ALDH1L2: variants seen among roughly 807,000 people sequenced by gnomAD.
ALDH1L2 encodes aldehyde dehydrogenase 1 family member L2, also known as mitochondrial 10-formyltetrahydrofolate dehydrogenase.
ALDH1L2 carries 91 observed loss-of-function variants against 111.0 expected under a neutral mutation model. The observed-to-expected ratio is 0.82, with a 90% CI of 0.69 to 0.98. The LOEUF (loss-of-function observed/expected upper bound fraction) is 0.98. Ranked by LOEUF, ALDH1L2 falls within the 50% of genes least tolerant of loss-of-function variation. The probability of loss-of-function intolerance (pLI) is 0.00; values close to 1 mark genes in which losing one functional copy is unlikely to be tolerated. For missense variants in ALDH1L2, 995 were observed against 1,126.8 expected (o/e 0.88, Z 1.67); for synonymous variants, 374 against 392.6 (o/e 0.95, Z 0.56).
chr12:105,053,199 T>A (rs1876404556), intron 10 of ALDH1L2, among the ~76,000 whole-genome samples: 2 of 152,192 alleles, frequency 1.3e-5, no homozygotes, highest in Admixed American at 1.3e-4. Context: ...AGATAAAAGG[T>A]AACTCACAAG....
At chr12:105,066,955 G>A (rs562325470) in intron 4 of ALDH1L2, among the ~76,000 whole-genome samples, 12 of 152,198 alleles carry the variant, frequency 7.9e-5, no homozygotes, top group African/African-American at 1.2e-4. Context: ...AAGGCCGGGC[G>A]CAGTGGCTCA....
At chr12:105,075,729 A>G (rs1290161744) in intron 1 of ALDH1L2, among the ~76,000 whole-genome samples, 2 of 152,222 alleles carry the variant, frequency 1.3e-5, no homozygotes, top group Non-Finnish European at 2.9e-5. Context: ...TCATGACTAT[A>G]AATATGTTTA....
Position 105,024,308 on chromosome 12 carries a change from C to T in ALDH1L2, c.*116G>A. 1 of 1,123,976 alleles carries T rather than the reference C, an allele frequency of 8.9e-7. No homozygotes were observed. The highest frequency in any genetic ancestry group is 1.3e-6 in the Non-Finnish European group (1 of 747,210). The allele number at this position is 1,123,976 out of a possible 1,614,324, so 69.6% of individuals were successfully genotyped here. The stretch of plus-strand genomic sequence containing the variant: ...TGGCCTGGCCCTCTTCATGGTCCAT[C>T]TGTGTATTTTTTGGTTTGTGGCTGA... On this transcript the variant is annotated 3_prime_UTR_variant, in exon 23 of 23. Transcript: ENST00000258494.
At chr12:105,060,953 T>C in intron 9 of ALDH1L2, 28 bp downstream of exon 9, 1 of 1,588,780 alleles carries the variant, frequency 6.3e-7, no homozygotes, top group Admixed American at 1.7e-5. Flanking sequence ...AGGGAATCCC[T>C]AGTGAGTCAA....
chr12:105,032,976 A>G (rs1007600512), intron 19 of ALDH1L2, among the ~76,000 whole-genome samples: 2 of 152,224 alleles, frequency 1.3e-5, no homozygotes, highest in African/African-American at 4.8e-5. Flanking sequence ...ATGTATTTGT[A>G]ATTATCTCTT....
At chr12:105,066,477 A>T in intron 5 of ALDH1L2, 91 bp downstream of exon 5, 1 of 1,245,340 alleles carries the variant, frequency 8.0e-7, no homozygotes, top group South Asian at 1.3e-5. Flanking sequence ...AAGCTGGCTT[A>T]CCTTTTGGCA....
chr12:105,062,742 C>A lies in ALDH1L2; in HGVS notation c.921+146G>T, dbSNP rs538843504. 3.5e-4 allele frequency: 333 copies of A among 963,878 alleles called. 1 individual carries two copies. The highest frequency in any genetic ancestry group is 2.4e-4 in the East Asian group (9 of 36,772). 59.7% of individuals were successfully genotyped at this position (963,878 alleles called of 1,614,324 possible). ...GGCAGCCTATGCAGATCTGTGGGGCCCATCTTGAGACACCTCATCTCCATC... is the reference window on the plus strand; with the variant it reads ...GGCAGCCTATGCAGATCTGTGGGGCACATCTTGAGACACCTCATCTCCATC... On this transcript the variant is annotated intron_variant, in intron 7 of 22. Transcript: ENST00000258494.
rs1007087346 is a variant in ALDH1L2 at position 105,021,233 on chromosome 12, T to G, written c.*3191A>C. 1 of 152,264 alleles carries G rather than the reference T, an allele frequency of 6.6e-6. No homozygotes were observed. The highest frequency in any genetic ancestry group is 1.5e-5 in the Non-Finnish European group (1 of 68,104). 9.4% of individuals were successfully genotyped at this position (152,264 alleles called of 1,614,324 possible). A position where few individuals can be genotyped will look rare whatever the true frequency, so the allele number is the denominator to read the frequency against. On this transcript the variant is annotated 3_prime_UTR_variant, in exon 23 of 23. Transcript: ENST00000258494. ...ACGAGTGAAGTGACACTGTCTGACT[T>G]AAGCTTTGAACAGGACCGCAGAAGA...
At chr12:105,066,544 G>A (rs765040310) in intron 5 of ALDH1L2, 24 bp downstream of exon 5, 1 of 1,595,672 alleles carries the variant, frequency 6.3e-7, no homozygotes, top group Non-Finnish European at 8.6e-7. Context: ...TCTGAGACGT[G>A]TTATTGAGTT....
At chr12:105,082,540 T>C (rs1878378800) in intron 1 of ALDH1L2, among the ~76,000 whole-genome samples, 1 of 152,188 alleles carries the variant, frequency 6.6e-6, no homozygotes. Context: ...CATTCCTTTT[T>C]CCCCCAACTG....
chr12:105,036,216 A>G (rs1224010325), intron 18 of ALDH1L2, among the ~76,000 whole-genome samples: 10 of 52,964 alleles, frequency 1.9e-4, no homozygotes, highest in Admixed American at 7.7e-4. Context: ...ATATTTATAT[A>G]TGTGTATATA....
chr12:105,075,614 TGTCA>T (rs1202256156), intron 1 of ALDH1L2, among the ~76,000 whole-genome samples: 1 of 152,136 alleles, frequency 6.6e-6, no homozygotes, highest in African/African-American at 2.4e-5. Flanking sequence ...AAAGAAACCA[TGTCA>T]GTATCTTTGG....
chr12:105,079,024 G>A (rs181345044), intron 1 of ALDH1L2, among the ~76,000 whole-genome samples: 9 of 152,352 alleles, frequency 5.9e-5, no homozygotes, highest in African/African-American at 2.2e-4. Context: ...GATTCACTGA[G>A]CCGCTTTAAG....
chr12:105,036,514 T>C (rs4964313), intron 18 of ALDH1L2, among the ~76,000 whole-genome samples: 1 of 23,652 alleles, frequency 4.2e-5, no homozygotes, highest in Non-Finnish European at 9.0e-5. Flanking sequence ...TATATATATT[T>C]TATATATATA....
At chr12:105,074,369 A>G (rs1450927175) in intron 1 of ALDH1L2, among the ~76,000 whole-genome samples, 1 of 148,622 alleles carries the variant, frequency 6.7e-6, no homozygotes, top group Non-Finnish European at 1.5e-5. Context: ...GAGGCAGGAG[A>G]ATCTCTTGAA....
intron 1 of ALDH1L2, among the ~76,000 whole-genome samples, chr12:105,079,968 A>G (rs1212143981): frequency 1.3e-5 from 2 of 152,258 alleles, no homozygotes; most frequent in African/African-American, 2.4e-5. Context: ...GTTCGTACAT[A>G]TAATTCATTC....
chr12:105,080,937 C>T (rs571002900), intron 1 of ALDH1L2, among the ~76,000 whole-genome samples: 2 of 152,064 alleles, frequency 1.3e-5, no homozygotes, highest in East Asian at 1.9e-4. Flanking sequence ...AACCATGAAT[C>T]GAAAACATTT....
rs140023980 is a variant in ALDH1L2, at chr12:105,068,796, A to C, written c.517T>G (p.Ser173Ala). 1.2e-6 allele frequency: 2 copies of C among 1,609,774 alleles called. No individual in the cohort carries two copies. Among genetic ancestry groups the C allele is most frequent in the African/African-American group, 2.7e-5 (2 of 74,740 alleles). ...LDTGPILLQR[S>A]CDVEPNDTVD... ...GTATCATTGGGTTCAACATCACATG[A>C]TCTCTGAAGAAGGATGGGTCCTGTA... Residue 173 changes from serine (S) to alanine (A), a missense_variant, in exon 4 of 23, where the codon TCA becomes GCA. By Grantham distance (99) the Ser-to-Ala change is moderately conservative (BLOSUM62 1). Transcript: ENST00000258494.
At chr12:105,058,319 C>CA in intron 9 of ALDH1L2, 99 bp from the exon 10 acceptor site, 1 of 1,207,864 alleles carries the variant, frequency 8.3e-7, no homozygotes, top group Non-Finnish European at 1.1e-6. Context: ...GTAAGACTTA[C>CA]ATCACATGCC....
Sources: gnomAD v4.1 joint callset for allele counts (sites outside exome capture counted in the v4.1 genomes callset) on GRCh38, gnomAD v4.1.1 for gene constraint, MANE v1.5 for transcripts, NCBI Gene and HGNC (gene_info 2026-07-23, HGNC 2026-07-21) for gene names.